The following LPP variants were observed in gnomAD, a reference collection of about 807,000 sequenced individuals.
The protein encoded by LPP is LIM domain containing preferred translocation partner in lipoma, also known as lipoma-preferred partner.
Under a neutral mutation model 60.4 loss-of-function variants are expected in LPP, and 38 were observed. That is an observed-to-expected ratio of 0.63 (90% confidence interval 0.49 to 0.83). The LOEUF (loss-of-function observed/expected upper bound fraction) is 0.83, where lower values mean the gene tolerates loss of function less well. Among genes scored for constraint, LPP ranks in the 40% least tolerant of loss-of-function variants. The pLI is 0.00. For synonymous variants in LPP, 328 were observed against 290.8 expected (o/e 1.13, Z -1.30); for missense variants, 902 against 783.6 (o/e 1.15, Z -1.80).
intron 3 of LPP, among the ~76,000 whole-genome samples, chr3:188,362,812 A>T (rs972354047): frequency 6.6e-6 from 1 of 152,178 alleles, no homozygotes; most frequent in Non-Finnish European, 1.5e-5. Context: ...TGCAGTGGAA[A>T]CCACGTTCTG....
chr3:188,650,848 C>T (rs550110475), intron 7 of LPP, among the ~76,000 whole-genome samples: 83 of 152,266 alleles, frequency 5.5e-4, no homozygotes, highest in African/African-American at 2.0e-3. Context: ...GGAATTCAGT[C>T]ACGCCCATTT....
At chr3:188,770,497 T>C (rs892587651) in intron 9 of LPP, among the ~76,000 whole-genome samples, 1 of 151,964 alleles carries the variant, frequency 6.6e-6, no homozygotes, top group Admixed American at 6.6e-5. Flanking sequence ...GCCATAATTC[T>C]TAATGGATAA....
At chr3:188,187,157 A>G (rs1726841053) in intron 1 of LPP, among the ~76,000 whole-genome samples, 1 of 152,194 alleles carries the variant, frequency 6.6e-6, no homozygotes, top group Non-Finnish European at 1.5e-5. Context: ...ACATGTATAT[A>G]TTAATGGTTT....
At chr3:188,239,079 G>T (rs1189983386) in intron 2 of LPP, among the ~76,000 whole-genome samples, 3 of 152,154 alleles carry the variant, frequency 2.0e-5, no homozygotes, top group Non-Finnish European at 4.4e-5. Flanking sequence ...AAGAGATGGG[G>T]GCACTGGATC....
rs10708836 is a variant in LPP, at chr3:188,318,753, C to CTTTTTTTT, written c.-66-22894_-66-22887dup. The stretch of plus-strand genomic sequence containing the variant: ...AAAAAATTGAAAAAAAATTATGATT[C>CTTTTTTTT]TTTTTTTTTTTTTTTTTTTTTTTGA... On this transcript the variant is annotated intron_variant, in intron 2 of 11. Transcript: ENST00000617246. Among the ~76,000 whole-genome samples the CTTTTTTTT allele has an allele frequency of 6.7e-4, 65 of 96,834 alleles. 1 individual carries two copies. The highest frequency in any genetic ancestry group is 1.1e-3 in the African/African-American group (22 of 20,490). The allele number at this position is 96,834 out of a possible 152,430, so 63.5% of individuals were successfully genotyped here.
At chr3:188,626,664 T>A (rs1008364281) in intron 7 of LPP, among the ~76,000 whole-genome samples, 6 of 152,164 alleles carry the variant, frequency 3.9e-5, no homozygotes, top group African/African-American at 7.2e-5. Context: ...TCCCTCTTTT[T>A]ATAAGGACAA....
chr3:188,655,459 G>A (rs2149029922), intron 7 of LPP, among the ~76,000 whole-genome samples: 1 of 152,290 alleles, frequency 6.6e-6, no homozygotes, highest in South Asian at 2.1e-4. Context: ...ACAGAATTAG[G>A]GAGATTGCTT....
At chr3:188,434,664 C>T (rs1221288917) in intron 4 of LPP, among the ~76,000 whole-genome samples, 2 of 152,216 alleles carry the variant, frequency 1.3e-5, no homozygotes, top group African/African-American at 4.8e-5. Context: ...GCAATTCCCC[C>T]TGGACTATCT....
chr3:188,430,914 T>G (rs1413296020), intron 4 of LPP, among the ~76,000 whole-genome samples: 1 of 152,136 alleles, frequency 6.6e-6, no homozygotes, highest in African/African-American at 2.4e-5. Context: ...ATTACATAAT[T>G]AACTTTTTTT....
intron 5 of LPP, 73 bp from the exon 6 acceptor site, chr3:188,524,592 C>A: frequency 6.8e-7 from 1 of 1,470,032 alleles, no homozygotes; most frequent in South Asian, 1.3e-5. Context: ...CACATTATAA[C>A]TTGAGAAATT....
At chr3:188,608,589 G>A (rs1842969023) in intron 6 of LPP, among the ~76,000 whole-genome samples, 1 of 152,096 alleles carries the variant, frequency 6.6e-6, no homozygotes, top group Non-Finnish European at 1.5e-5. Context: ...AATATATTTT[G>A]AAATTAGGAA....
At chr3:188,688,560 A>G (rs932642666) in intron 7 of LPP, among the ~76,000 whole-genome samples, 6 of 152,238 alleles carry the variant, frequency 3.9e-5, no homozygotes, top group African/African-American at 1.2e-4. Flanking sequence ...AGATGAGACT[A>G]TGAAGGCAGG....
intron 4 of LPP, among the ~76,000 whole-genome samples, chr3:188,432,529 TATAGGTGATC>T: frequency 6.6e-6 from 1 of 152,236 alleles, no homozygotes; most frequent in Non-Finnish European, 1.5e-5. Flanking sequence ...GTGTGTATGC[TATAGGTGATC>T]ATGTGTGAAT....
Position 188,695,198 on chromosome 3 carries a change from TATACATAAATTA to T in LPP, c.1114-13055_1114-13044del, listed in dbSNP as rs1413582436. 5.3e-5 allele frequency among the ~76,000 whole-genome samples: 8 copies of T among 152,344 alleles called. No individual in the cohort carries two copies. In the Middle Eastern group the frequency reaches 0.01, roughly 194 times the overall value. ...ATACCTTATTTATACTCTTGTAAAT[TATACATAAATTA>T]ATACATAAATTAAATACTAATGTAT... On this transcript the variant is annotated intron_variant, in intron 7 of 11. Coordinates refer to ENST00000617246, the MANE Select transcript of LPP (RefSeq NM_001375462.1).
At chr3:188,819,380 G>A (rs183659562) in intron 9 of LPP, among the ~76,000 whole-genome samples, 6 of 150,698 alleles carry the variant, frequency 4.0e-5, no homozygotes, top group Admixed American at 6.6e-5. Context: ...CCAAGTTTTC[G>A]CTATAAAGAA....
chr3:188,223,167 T>C (rs537581612), intron 1 of LPP, among the ~76,000 whole-genome samples: 3 of 152,364 alleles, frequency 2.0e-5, no homozygotes, highest in South Asian at 2.1e-4. Context: ...AAATTCTGCA[T>C]GTTTTGTGGT....
intron 5 of LPP, among the ~76,000 whole-genome samples, chr3:188,494,470 A>G (rs1809350510): frequency 3.3e-5 from 5 of 152,170 alleles, no homozygotes. Flanking sequence ...TAAACTCATT[A>G]AATCACTTCA....
At chr3:188,560,309 GA>G (rs1183255232) in intron 6 of LPP, among the ~76,000 whole-genome samples, 1 of 152,094 alleles carries the variant, frequency 6.6e-6, no homozygotes, top group African/African-American at 2.4e-5. Context: ...CACAGATAAA[GA>G]GGGAAAATGG....
chr3:188,835,512 G>A (rs1758230698), intron 9 of LPP, among the ~76,000 whole-genome samples: 1 of 151,834 alleles, frequency 6.6e-6, no homozygotes, highest in Admixed American at 6.6e-5. Flanking sequence ...CTAGCTACTC[G>A]GGAGGCGGAG....
Sources: allele counts gnomAD v4.1 joint callset (sites outside exome capture counted in the v4.1 genomes callset), GRCh38; gene constraint gnomAD v4.1.1; transcripts MANE v1.5; gene names NCBI Gene and HGNC (gene_info 2026-07-23, HGNC 2026-07-21).